TEX2: variants seen among roughly 807,000 people sequenced by gnomAD.
TEX2 encodes testis-expressed protein 2.
Under a neutral mutation model 106.9 loss-of-function variants are expected in TEX2, and 53 were observed. The ratio of observed to expected loss-of-function variants is 0.50; its 90% CI spans 0.40 to 0.62. The LOEUF (loss-of-function observed/expected upper bound fraction) is 0.62. Among genes scored for constraint, TEX2 ranks in the 20% least tolerant of loss-of-function variants. The pLI, the probability that TEX2 is intolerant of heterozygous loss-of-function variation, is 0.00. For synonymous variants in TEX2, 523 were observed against 534.8 expected, an observed-to-expected ratio of 0.98 and a Z score of 0.30; for missense variants, 1,207 against 1,379.0, an observed-to-expected ratio of 0.88 and a Z score of 1.98.
chr17:64,201,476 G>A (rs530446724), intron 2 of TEX2, among the ~76,000 whole-genome samples: 1 of 152,246 alleles, frequency 6.6e-6, no homozygotes, highest in African/African-American at 2.4e-5. Flanking sequence ...AGGTACCCCA[G>A]GTGCATTATC....
intron 1 of TEX2, among the ~76,000 whole-genome samples, chr17:64,241,641 AT>A (rs1357274881): frequency 5.8e-4 from 88 of 151,250 alleles, no homozygotes; most frequent in African/African-American, 1.8e-3. Flanking sequence ...AATTATTATT[AT>A]TTTTTTTTAA....
intron 1 of TEX2, among the ~76,000 whole-genome samples, chr17:64,225,707 CT>C (rs869126977): frequency 4.6e-5 from 6 of 129,570 alleles, no homozygotes; most frequent in South Asian, 2.3e-4. Context: ...CTTTTCTTTT[CT>C]TTTTTTTTGT....
chr17:64,239,768 C>T (rs1229285850), intron 1 of TEX2, among the ~76,000 whole-genome samples: 4 of 147,236 alleles, frequency 2.7e-5, no homozygotes, highest in African/African-American at 7.5e-5. Context: ...CCCTGCTACT[C>T]GAGAGGCTGA....
At chr17:64,235,468 G>A (rs2033747565) in intron 1 of TEX2, among the ~76,000 whole-genome samples, 1 of 152,154 alleles carries the variant, frequency 6.6e-6, no homozygotes, top group Non-Finnish European at 1.5e-5. Flanking sequence ...ATCTACCCAG[G>A]GGGAACATCA....
intron 4 of TEX2, 77 bp downstream of exon 4, chr17:64,193,482 T>TCCTTCCTTCCTA: frequency 1.7e-6 from 2 of 1,187,270 alleles, no homozygotes; most frequent in Non-Finnish European, 1.1e-6. Flanking sequence ...CTTCCTTCCT[T>TCCTTCCTTCCTA]CCTACCTGGC....
At chr17:64,178,666 C>G (rs925424413) in intron 5 of TEX2, among the ~76,000 whole-genome samples, 17 of 152,268 alleles carry the variant, frequency 1.1e-4, no homozygotes, top group Admixed American at 9.2e-4. Context: ...CTTTGGAAAG[C>G]AAAGATGAAA....
intron 9 of TEX2, among the ~76,000 whole-genome samples, chr17:64,154,023 T>G (rs1475307322): frequency 6.6e-6 from 1 of 152,192 alleles, no homozygotes; most frequent in African/African-American, 2.4e-5. Context: ...ACATGTACCA[T>G]GAGACTCAGA....
intron 7 of TEX2, 110 bp downstream of exon 7, chr17:64,170,990 C>G (rs1388206542): frequency 7.3e-6 from 6 of 824,248 alleles, no homozygotes; most frequent in Non-Finnish European, 1.2e-5. Context: ...CAACATGAAA[C>G]AGATGATTTA....
At chr17:64,246,693 G>A (rs183960043) in intron 1 of TEX2, among the ~76,000 whole-genome samples, 121 of 152,340 alleles carry the variant, frequency 7.9e-4, no homozygotes, top group Non-Finnish European at 1.4e-3. Context: ...TGTTCATGAG[G>A]AAAGGAAGGA....
At chr17:64,234,391 T>G (rs980472040) in intron 1 of TEX2, among the ~76,000 whole-genome samples, 8 of 152,240 alleles carry the variant, frequency 5.3e-5, no homozygotes, top group African/African-American at 1.9e-4. Flanking sequence ...TTGAGTTTGT[T>G]GTTGGGTTTT....
chr17:64,169,698 G>T (rs984420193), intron 7 of TEX2, among the ~76,000 whole-genome samples: 43 of 152,306 alleles, frequency 2.8e-4, no homozygotes, highest in African/African-American at 1.0e-3. Context: ...CACAACAGCA[G>T]AAAAACTGAT....
In TEX2 at chr17:64,195,010, C is replaced by T; in HGVS notation, c.1730G>A (p.Gly577Glu). ...ATTGGGCTTTGAAAGTCTTAAGGTTCCACCCTCAAGTCGAACAAAGACTGA... is the reference window on the plus strand; with the variant it reads ...ATTGGGCTTTGAAAGTCTTAAGGTTTCACCCTCAAGTCGAACAAAGACTGA... ...THSVFVRLEG[G>E]TLRLSKPNKN... is the part of the protein sequence containing the mutation. The change falls in exon 3 of 12, where the codon GGA (glycine) becomes GAA (glutamate). Residue 577 changes from glycine (G) to glutamate (E), a missense_variant. Gly to Glu is a moderately conservative substitution (Grantham distance 98). Coordinates refer to ENST00000584379, the MANE Select transcript of TEX2 (RefSeq NM_001288732.2). This position sits in a 1 kb window ranked among gnomAD's most constrained non-coding sequence, Gnocchi z 4.1. 6.2e-7 allele frequency: 1 copy of T among 1,614,116 alleles called. No individual in the cohort carries two copies. Among genetic ancestry groups the T allele is most frequent in the Non-Finnish European group, 8.5e-7 (1 of 1,180,008 alleles).
chr17:64,189,844 A>T (rs1032046174), intron 4 of TEX2, among the ~76,000 whole-genome samples: 1 of 152,032 alleles, frequency 6.6e-6, no homozygotes, highest in African/African-American at 2.4e-5. Flanking sequence ...TTAGCCTGGC[A>T]TGGTGGCCTG....
At position 64,213,523 on chromosome 17, in the gene TEX2, G is replaced by C; in HGVS notation, c.695C>G (p.Thr232Arg). ...GGAATCAGGTGGCTTATAGGACACT[G>C]TATCCGACTCCTGCCGGGAAGTGTC... The part of the protein sequence containing the change: ...STDTSRQESD[T>R]VSYKPPDSKL... The change falls in exon 2 of 12, where the codon ACA becomes AGA. Residue 232 changes from threonine (T) to arginine (R), a missense_variant. Thr to Arg is a moderately conservative substitution (Grantham distance 71, BLOSUM62 -1). Around this residue, in one of 3 missense-constraint regions of TEX2, gnomAD observed 1,067 missense variants for 1,193.6 expected, o/e 0.89. Coordinates refer to ENST00000584379, the MANE Select transcript of TEX2 (RefSeq NM_001288732.2). The surrounding 1 kb of genome is among the most constrained non-coding windows in gnomAD (Gnocchi z 4.4). 6.2e-7 allele frequency: 1 copy of C among 1,614,140 alleles called. No homozygotes were observed. The highest frequency in any genetic ancestry group is 1.7e-4 in the Middle Eastern group (1 of 6,060).
At chr17:64,190,446 A>G (rs1044583737) in intron 4 of TEX2, among the ~76,000 whole-genome samples, 8 of 152,112 alleles carry the variant, frequency 5.3e-5, no homozygotes, top group Non-Finnish European at 1.0e-4. Flanking sequence ...TTCAAACCAA[A>G]CTGATCCCAT....
At chr17:64,223,934 G>A (rs183097145) in intron 1 of TEX2, among the ~76,000 whole-genome samples, 91 of 152,154 alleles carry the variant, frequency 6.0e-4, no homozygotes, top group Admixed American at 1.5e-3. Flanking sequence ...CCAGGAGGCC[G>A]AGGCAGGTAA....
chr17:64,162,669 C>A (rs956955542), intron 7 of TEX2, among the ~76,000 whole-genome samples: 3 of 152,142 alleles, frequency 2.0e-5, no homozygotes, highest in Non-Finnish European at 1.5e-5. Flanking sequence ...GATGTGTGGT[C>A]CAGCGTCCCT....
chr17:64,164,545 C>T (rs1483456878), intron 7 of TEX2, among the ~76,000 whole-genome samples: 1 of 152,140 alleles, frequency 6.6e-6, no homozygotes, highest in African/African-American at 2.4e-5. Flanking sequence ...TTCCACTCTT[C>T]AGTTTCACAG....
chr17:64,150,691 C>T, intron 11 of TEX2, 150 bp downstream of exon 11: 5 of 783,740 alleles, frequency 6.4e-6, no homozygotes, highest in Non-Finnish European at 9.7e-6. Flanking sequence ...AGTTTTATTC[C>T]CATATTTGAT....
Sources: allele counts gnomAD v4.1 joint callset (sites outside exome capture counted in the v4.1 genomes callset), GRCh38; gene constraint gnomAD v4.1.1; regional missense constraint gnomAD v4.1.1; non-coding constraint Gnocchi (gnomAD v3.1); transcripts MANE v1.5; gene names NCBI Gene and HGNC (gene_info 2026-07-23, HGNC 2026-07-21).